FNDC1: variants seen among roughly 807,000 people sequenced by gnomAD.
FNDC1 encodes fibronectin type III domain containing 1.
FNDC1 carries 96 observed loss-of-function variants against 168.0 expected under a neutral mutation model. The ratio of observed to expected loss-of-function variants is 0.57; its 90% CI spans 0.48 to 0.68. The LOEUF (loss-of-function observed/expected upper bound fraction) is 0.68, where lower values mean the gene tolerates loss of function less well. Among genes scored for constraint, FNDC1 ranks in the 30% least tolerant of loss-of-function variants. The pLI is 0.00. For missense variants in FNDC1, 2,587 were observed against 2,482.1 expected (o/e 1.04, Z -0.90); for synonymous variants, 1,099 against 1,025.9 (o/e 1.07, Z -1.36).
chr6:159,243,331 C>G (rs1783469079), intron 14 of FNDC1: 1 of 152,192 alleles, frequency 6.6e-6, no homozygotes, highest in South Asian at 2.1e-4. Context: ...TTCCCCACCA[C>G]AGCTGGGTCT....
intron 5 of FNDC1, among the ~76,000 whole-genome samples, chr6:159,216,546 CT>C (rs1020592170): frequency 2.6e-5 from 4 of 152,176 alleles, no homozygotes; most frequent in African/African-American, 9.7e-5. Context: ...ATGCTTCCTG[CT>C]TGTGGAGATA....
chr6:159,256,585 T>G lies in FNDC1; in HGVS notation c.5128T>G (p.Ser1710Ala), dbSNP rs752852706. 6.2e-7 allele frequency: 1 copy of G among 1,614,030 alleles called. No homozygotes were observed. Among genetic ancestry groups the G allele is most frequent in the South Asian group, 1.1e-5 (1 of 91,086 alleles). Reference protein sequence around the residue: ...FIRNKWSTQASSVTHLPIENL... With the variant: ...FIRNKWSTQAASVTHLPIENL... ...CAGGAACAAGTGGTCCACTCAAGCT[T>G]CATCAGTAACTCACTTGCCCATTGA... Residue 1710 changes from serine (S) to alanine (A), a missense_variant, in exon 18 of 23, where the codon TCA (serine) becomes GCA (alanine). Coordinates refer to ENST00000297267, the MANE Select transcript of FNDC1 (RefSeq NM_032532.3).
At chr6:159,259,545 G>A (rs1583919331) in intron 18 of FNDC1, among the ~76,000 whole-genome samples, 2 of 152,158 alleles carry the variant, frequency 1.3e-5, no homozygotes, top group Non-Finnish European at 1.5e-5. Flanking sequence ...CAGCAGAAGT[G>A]TCCCATGGAG....
intron 11 of FNDC1, among the ~76,000 whole-genome samples, chr6:159,235,099 A>G (rs971725721): frequency 6.6e-6 from 1 of 152,226 alleles, no homozygotes; most frequent in African/African-American, 2.4e-5. Flanking sequence ...AAACCTCCAG[A>G]AAATGTATGT....
rs373599814 is a variant in FNDC1, at chr6:159,190,060, G to A, written c.110-7371G>A. ...GCCTTCTGGGGTCCTGATAGGGGCG[G>A]TATTCCCATCTTTAATCCCAGGAAG... On this transcript the variant is annotated intron_variant, in intron 1 of 22. Transcript: ENST00000297267. Among the ~76,000 whole-genome samples, 12 of 152,308 alleles carry A rather than the reference G, an allele frequency of 7.9e-5. No individual in the cohort carries two copies. The East Asian group carries it at 1.2e-3, about 15-fold the overall frequency.
chr6:159,218,870 A>G (rs1782759914), intron 5 of FNDC1, among the ~76,000 whole-genome samples: 1 of 152,054 alleles, frequency 6.6e-6, no homozygotes, highest in Non-Finnish European at 1.5e-5. Flanking sequence ...GAGAGGGAGC[A>G]AGGGACTTCC....
At position 159,232,708 on chromosome 6, in the gene FNDC1, C is replaced by T; in HGVS notation, c.2196C>T (p.Thr732=). ...PHGGSSRLLP[T]QPHLSSPLSK... Reference sequence around the variant, plus strand: ...GGGGATCATCTCGGCTGCTGCCCACCCAGCCACACCTGAGCTCTCCACTTT... The same window carrying T: ...GGGGATCATCTCGGCTGCTGCCCACTCAGCCACACCTGAGCTCTCCACTTT... Residue 732 remains threonine (T), a synonymous_variant, in exon 11 of 23, where the codon ACC becomes ACT. Coordinates refer to ENST00000297267, the MANE Select transcript of FNDC1 (RefSeq NM_032532.3). This position sits in a 1 kb window ranked among gnomAD's most constrained non-coding sequence, Gnocchi z 4.9. 6.2e-7 allele frequency: 1 copy of T among 1,613,948 alleles called. No homozygotes were observed. The highest frequency in any genetic ancestry group is 1.1e-5 in the South Asian group (1 of 91,082).
intron 21 of FNDC1, 79 bp downstream of exon 21, chr6:159,266,324 C>CCA: frequency 6.8e-7 from 1 of 1,463,316 alleles, no homozygotes; most frequent in Non-Finnish European, 9.5e-7. Context: ...ACCACAGGTG[C>CCA]ATCGGAATGT....
Position 159,239,914 on chromosome 6 carries a change from G to C in FNDC1, c.4578G>C (p.Leu1526=). Residue 1526 remains leucine, a synonymous_variant, in exon 14 of 23, where the codon CTG becomes CTC. Coordinates refer to ENST00000297267, the MANE Select transcript of FNDC1 (RefSeq NM_032532.3). ...AACGGCACGACGATGATGGCAACCT[G>C]ATAATGAGCTCCAATGGGATCCCAG... ...TLERHDDDGN[L]IMSSNGIPEC... 6.6e-7 allele frequency: 1 copy of C among 1,518,462 alleles called. No individual in the cohort carries two copies. Among genetic ancestry groups the C allele is most frequent in the Non-Finnish European group, 8.9e-7 (1 of 1,128,582 alleles). The allele number at this position is 1,518,462 out of a possible 1,614,324, so 94.1% of individuals were successfully genotyped here. A position where few individuals can be genotyped will look rare whatever the true frequency, so the allele number is the denominator to read the frequency against.
In FNDC1 at chr6:159,234,374, G is replaced by C; in HGVS notation, c.3862G>C (p.Gly1288Arg). 3 of 1,613,048 alleles carry C rather than the reference G, an allele frequency of 1.9e-6. No homozygotes were observed. Among genetic ancestry groups the C allele is most frequent in the Non-Finnish European group, 2.5e-6 (3 of 1,179,542 alleles). ...GCAGTACACCACGCGCGCCCCACCT[G>C]GCCACTTCTCCACCACCCCGATGCT... ...WPQYTTRAPP[G>R]HFSTTPMLSL... The change falls in exon 11 of 23, where the codon GGC becomes CGC. Residue 1288 changes from glycine to arginine, a missense_variant. Transcript: ENST00000297267.
chr6:159,252,576 C>T (rs500550), intron 17 of FNDC1, among the ~76,000 whole-genome samples: 25,666 of 151,996 alleles, frequency 0.17, 2,442 homozygotes, highest in East Asian at 0.37. Context: ...TTAAGGGGTT[C>T]GAGTCTTTAG....
chr6:159,226,511 G>A lies in FNDC1; in HGVS notation c.1111G>A (p.Val371Ile), dbSNP rs1432665900. The A allele has an allele frequency of 6.2e-7, 1 of 1,612,584 alleles. No individual in the cohort carries two copies. Among genetic ancestry groups the A allele is most frequent in the South Asian group, 1.1e-5 (1 of 90,506 alleles). Residue 371 changes from valine (V) to isoleucine (I), a missense_variant, in exon 9 of 23, where the codon GTC (valine) becomes ATC (isoleucine). Physicochemically the swap from Val to Ile is conservative, Grantham distance 29. Coordinates refer to ENST00000297267, the MANE Select transcript of FNDC1 (RefSeq NM_032532.3). The stretch of plus-strand genomic sequence containing the variant: ...TCCTGAAAACTTGAACGTCTGGCCA[G>A]TCAATGGCAAACCTACAGTTGTCGC... The part of the protein sequence containing the change: ...TAPENLNVWP[V>I]NGKPTVVAAS...
At chr6:159,234,568 C>A in intron 11 of FNDC1, 89 bp downstream of exon 11, 2 of 1,193,624 alleles carry the variant, frequency 1.7e-6, no homozygotes, top group Non-Finnish European at 2.4e-6. Context: ...TTGCATTTAG[C>A]ACCTACTATG....
chr6:159,228,922 C>A (rs1049782228), intron 9 of FNDC1, among the ~76,000 whole-genome samples: 2 of 152,136 alleles, frequency 1.3e-5, no homozygotes, highest in African/African-American at 4.8e-5. Flanking sequence ...GTCATCTGCC[C>A]GCCTTAGCCT....
Position 159,254,254 on chromosome 6 carries a change from C to T in FNDC1, c.5066-2269C>T, listed in dbSNP as rs553633533. Among the ~76,000 whole-genome samples, 78 of 152,282 alleles carry T rather than the reference C, an allele frequency of 5.1e-4. 1 individual carries two copies. Among genetic ancestry groups the T allele is most frequent in the African/African-American group, 1.8e-3 (74 of 41,548 alleles). On this transcript the variant is annotated intron_variant, in intron 17 of 22. Coordinates refer to ENST00000297267, the MANE Select transcript of FNDC1 (RefSeq NM_032532.3). Reference sequence around the variant, plus strand: ...TCTCCTTGCAGGCTTGTACAACATTCAGTGGTGGAATTTCTCAAGGCTTGG... The same window carrying T: ...TCTCCTTGCAGGCTTGTACAACATTTAGTGGTGGAATTTCTCAAGGCTTGG...
At chr6:159,261,638 G>A (rs1445929031) in intron 19 of FNDC1, among the ~76,000 whole-genome samples, 1 of 152,216 alleles carries the variant, frequency 6.6e-6, no homozygotes, top group African/African-American at 2.4e-5. Flanking sequence ...ACAGGAAGTT[G>A]CCTTTCCAAT....
chr6:159,259,469 C>T (rs1029871139), intron 18 of FNDC1, among the ~76,000 whole-genome samples: 1 of 152,094 alleles, frequency 6.6e-6, no homozygotes, highest in Non-Finnish European at 1.5e-5. Flanking sequence ...GTTCTCAGCC[C>T]GTCAGTCACC....
intron 14 of FNDC1, among the ~76,000 whole-genome samples, chr6:159,245,084 C>T (rs1157552246): frequency 6.6e-6 from 1 of 152,138 alleles, no homozygotes; most frequent in African/African-American, 2.4e-5. Context: ...GCAGGAAAAA[C>T]TACCATTTAT....
intron 1 of FNDC1, among the ~76,000 whole-genome samples, chr6:159,193,703 T>G (rs143018808): frequency 6.6e-6 from 1 of 152,314 alleles, no homozygotes; most frequent in East Asian, 1.9e-4. Context: ...GCCATTGGAA[T>G]CTTGGAATCC....
Sources: gnomAD v4.1 joint callset for allele counts (sites outside exome capture counted in the v4.1 genomes callset) on GRCh38, gnomAD v4.1.1 for gene constraint, Gnocchi (gnomAD v3.1) non-coding constraint, MANE v1.5 for transcripts, NCBI Gene and HGNC (gene_info 2026-07-23, HGNC 2026-07-21) for gene names.